Variants in ANKRD17 observed in about 807,000 individuals in gnomAD.
ANKRD17 encodes the protein ankyrin repeat domain-containing protein 17.
A neutral mutation model predicts 229.7 loss-of-function variants in ANKRD17; 19 were observed. That is an observed-to-expected ratio of 0.08 (90% CI 0.06 to 0.12). The LOEUF is 0.12. Among genes scored for constraint, ANKRD17 ranks in the 10% least tolerant of loss-of-function variants. The pLI is 1.00. For synonymous variants in ANKRD17, 1,112 were observed against 1,146.1 expected, an observed-to-expected ratio of 0.97 and a Z score of 0.60; for missense variants, 2,176 against 3,176.8, an observed-to-expected ratio of 0.68 and a Z score of 7.57.
At position 73,139,870 on chromosome 4, in the gene ANKRD17, C is replaced by T; in HGVS notation, c.2746G>A (p.Gly916Arg). Residue 916 changes from glycine to arginine, a missense_variant, in exon 15 of 34, where the codon GGA (glycine) becomes AGA (arginine). Around this residue, in one of 18 missense-constraint regions of ANKRD17, gnomAD observed 230 missense variants for 252.3 expected, o/e 0.91. Coordinates refer to ENST00000358602, the MANE Select transcript of ANKRD17 (RefSeq NM_032217.5). ...CCCTCAGAAAGCTGCTCTCCAACTC[C>T]AACAGGAGTTAGTAATCCCAGGTGT... is the stretch of plus-strand genomic sequence containing the variant. The part of the protein sequence containing the change: ...CQHLGLLTPV[G>R]VGEQLSEGDY... 3 of 1,614,212 alleles carry T rather than the reference C, an allele frequency of 1.9e-6. No individual in the cohort carries two copies. The highest frequency in any genetic ancestry group is 2.5e-6 in the Non-Finnish European group (3 of 1,180,034).
At chr4:73,188,969 G>T (rs1198909650) in intron 1 of ANKRD17, among the ~76,000 whole-genome samples, 1 of 152,140 alleles carries the variant, frequency 6.6e-6, no homozygotes, top group Non-Finnish European at 1.5e-5. Context: ...ATTAACTCAA[G>T]AAATGGTAGA....
chr4:73,179,412 ATATG>A (rs1277583988), intron 1 of ANKRD17, among the ~76,000 whole-genome samples: 3 of 145,132 alleles, frequency 2.1e-5, no homozygotes, highest in South Asian at 2.1e-4. Flanking sequence ...AATTATATAT[ATATG>A]TGTGTGCATA....
At chr4:73,157,951 GCA>G (rs1731890397) in intron 3 of ANKRD17, among the ~76,000 whole-genome samples, 2 of 151,840 alleles carry the variant, frequency 1.3e-5, no homozygotes, top group Non-Finnish European at 2.9e-5. Flanking sequence ...AATTAGCCGG[GCA>G]TGGCAGCGTG....
intron 24 of ANKRD17, among the ~76,000 whole-genome samples, chr4:73,112,140 T>C (rs1303860073): frequency 6.6e-6 from 1 of 152,060 alleles, no homozygotes. Context: ...AGAAGTGGTG[T>C]GGGTAGGCAG....
chr4:73,126,553 A>T (rs1727497545), intron 16 of ANKRD17, among the ~76,000 whole-genome samples: 1 of 152,154 alleles, frequency 6.6e-6, no homozygotes, highest in Non-Finnish European at 1.5e-5. Flanking sequence ...TATCCAAAAT[A>T]TACTGTGTAT....
intron 1 of ANKRD17, among the ~76,000 whole-genome samples, chr4:73,189,615 C>T (rs908714037): frequency 2.6e-5 from 4 of 152,202 alleles, no homozygotes; most frequent in East Asian, 1.9e-4. Flanking sequence ...CGTGAGCCAT[C>T]GCACTCAGCT....
intron 1 of ANKRD17, among the ~76,000 whole-genome samples, chr4:73,234,436 G>T (rs11724514): frequency 0.35 from 53,125 of 151,934 alleles, 10,828 homozygotes; most frequent in Admixed American, 0.49. Context: ...TCATCCTCTT[G>T]ATTGTCCTCA....
intron 1 of ANKRD17, among the ~76,000 whole-genome samples, chr4:73,226,257 G>C (rs936280594): frequency 4.6e-5 from 7 of 151,864 alleles, no homozygotes; most frequent in African/African-American, 1.7e-4. Flanking sequence ...TAACAGGCGT[G>C]AGCCACCGCG....
intron 16 of ANKRD17, among the ~76,000 whole-genome samples, chr4:73,127,853 G>A (rs1727683229): frequency 6.6e-6 from 1 of 152,094 alleles, no homozygotes; most frequent in South Asian, 2.1e-4. Context: ...TAACTCTACA[G>A]ACCAAATTCC....
intron 29 of ANKRD17, 79 bp from the exon 30 acceptor site, chr4:73,085,525 C>A: frequency 8.2e-7 from 1 of 1,225,076 alleles, no homozygotes; most frequent in Non-Finnish European, 1.2e-6. Flanking sequence ...CTAAAAGGCC[C>A]TAAATATATT....
intron 1 of ANKRD17, among the ~76,000 whole-genome samples, chr4:73,181,958 G>C (rs1296196912): frequency 2.1e-5 from 3 of 142,596 alleles, no homozygotes; most frequent in African/African-American, 5.2e-5. Flanking sequence ...TGAGGCAGGA[G>C]AATCACTTAA....
At chr4:73,122,785 T>A (rs895249163) in intron 18 of ANKRD17, among the ~76,000 whole-genome samples, 3 of 152,066 alleles carry the variant, frequency 2.0e-5, no homozygotes, top group African/African-American at 7.2e-5. Flanking sequence ...AGTGACAAGG[T>A]TATAAAAACA....
In ANKRD17 at chr4:73,091,517, G is replaced by A; in HGVS notation, c.6111C>T (p.His2037=). ...ATYPMPTAKE[H]YPVSSPSSPS... is the part of the protein sequence containing the mutation. ...GGGAAGATGGGGATGATACTGGATA[G>A]TGTTCTTTGGCAGTAGGCATAGGAT... The change falls in exon 29 of 34, where the codon CAC becomes CAT. Residue 2037 remains histidine (H), a synonymous_variant. Transcript: ENST00000358602. The A allele has an allele frequency of 8.7e-6, 14 of 1,614,072 alleles. No homozygotes were observed. The African/African-American group carries it at 1.2e-4, about 14-fold the overall frequency.
At chr4:73,163,699 G>A (rs1167065081) in intron 2 of ANKRD17, among the ~76,000 whole-genome samples, 1 of 152,166 alleles carries the variant, frequency 6.6e-6, no homozygotes, top group Non-Finnish European at 1.5e-5. Flanking sequence ...GAATAAAAAG[G>A]TTAGGGGTAA....
chr4:73,168,457 T>C (rs895194060), intron 2 of ANKRD17, among the ~76,000 whole-genome samples: 3 of 152,188 alleles, frequency 2.0e-5, no homozygotes, highest in African/African-American at 7.2e-5. Context: ...TGTATATATA[T>C]ATACACTCCT....
chr4:73,242,522 A>C (rs1244851850), intron 1 of ANKRD17, among the ~76,000 whole-genome samples: 1 of 152,210 alleles, frequency 6.6e-6, no homozygotes, highest in Non-Finnish European at 1.5e-5. Context: ...TATTATACAT[A>C]TATTTCTCTC....
chr4:73,111,654 C>CA (rs1045299456), intron 24 of ANKRD17, among the ~76,000 whole-genome samples: 3 of 152,036 alleles, frequency 2.0e-5, no homozygotes, highest in Non-Finnish European at 4.4e-5. Flanking sequence ...TTTGTCGTGA[C>CA]AAAAAACTGG....
chr4:73,236,473 G>C (rs745785655), intron 1 of ANKRD17, among the ~76,000 whole-genome samples: 1 of 152,028 alleles, frequency 6.6e-6, no homozygotes, highest in Non-Finnish European at 1.5e-5. Context: ...CTTGAGCTAA[G>C]GTTCATATTG....
intron 10 of ANKRD17, 56 bp downstream of exon 10, chr4:73,146,708 T>C: frequency 7.7e-7 from 1 of 1,291,168 alleles, no homozygotes; most frequent in Admixed American, 2.0e-5. Flanking sequence ...CTCTCCATAA[T>C]TTAAAATTAA....
Sources: allele counts gnomAD v4.1 joint callset (sites outside exome capture counted in the v4.1 genomes callset), GRCh38; gene constraint gnomAD v4.1.1; regional missense constraint gnomAD v4.1.1; transcripts MANE v1.5; gene names NCBI Gene and HGNC (gene_info 2026-07-23, HGNC 2026-07-21).